The following ALPK1 variants were observed in gnomAD, a reference collection of about 807,000 sequenced individuals.
ALPK1 encodes alpha-protein kinase 1.
Under a neutral mutation model 120.6 loss-of-function variants are expected in ALPK1, and 110 were observed. That is an observed-to-expected ratio of 0.91 (90% CI 0.78 to 1.07). ALPK1 has a LOEUF of 1.07. Ranked by LOEUF, ALPK1 falls within the 50% of genes least tolerant of loss-of-function variation. ALPK1 has a pLI of 0.00. For missense variants in ALPK1, 1,498 were observed against 1,483.9 expected, an observed-to-expected ratio of 1.01 and a Z score of -0.16; for synonymous variants, 582 against 560.3, an observed-to-expected ratio of 1.04 and a Z score of -0.55.
At chr4:112,402,382 T>C (rs554948312) in intron 4 of ALPK1, among the ~76,000 whole-genome samples, 1 of 152,332 alleles carries the variant, frequency 6.6e-6, no homozygotes, top group African/African-American at 2.4e-5. Context: ...CTGGCGCTAA[T>C]GCAAGGAACC....
At chr4:112,324,976 G>C (rs1474808264) in intron 2 of ALPK1, among the ~76,000 whole-genome samples, 34 of 37,650 alleles carry the variant, frequency 9.0e-4, no homozygotes, top group African/African-American at 1.3e-3. Context: ...CAAAAAAAAG[G>C]GGGGGGGGGG....
chr4:112,307,669 A>G (rs1306615157), intron 1 of ALPK1, among the ~76,000 whole-genome samples: 3 of 152,076 alleles, frequency 2.0e-5, no homozygotes, highest in African/African-American at 7.3e-5. Context: ...TCTCCTGAAT[A>G]CAGCACACTG....
chr4:112,351,542 C>T (rs899813902), intron 2 of ALPK1, among the ~76,000 whole-genome samples: 50 of 151,732 alleles, frequency 3.3e-4, no homozygotes, highest in African/African-American at 1.2e-3. Flanking sequence ...GGCACGATCT[C>T]GGCTCACTGC....
intron 2 of ALPK1, among the ~76,000 whole-genome samples, chr4:112,342,361 G>A (rs906389348): frequency 3.3e-5 from 5 of 152,140 alleles, no homozygotes; most frequent in African/African-American, 4.8e-5. Flanking sequence ...TTCCACTCCT[G>A]CAATTAGGAA....
intron 5 of ALPK1, among the ~76,000 whole-genome samples, chr4:112,423,231 C>T (rs1362750928): frequency 6.6e-6 from 1 of 152,106 alleles, no homozygotes; most frequent in African/African-American, 2.4e-5. Flanking sequence ...GGGATGAAAG[C>T]GTTACACACT....
chr4:112,344,141 T>C (rs758754872), intron 2 of ALPK1, among the ~76,000 whole-genome samples: 3 of 152,056 alleles, frequency 2.0e-5, no homozygotes, highest in Non-Finnish European at 4.4e-5. Flanking sequence ...GGGGAAAAAA[T>C]CTAATCTTTA....
chr4:112,415,377 T>A (rs376018326), intron 5 of ALPK1, among the ~76,000 whole-genome samples: 3 of 152,260 alleles, frequency 2.0e-5, no homozygotes, highest in South Asian at 4.1e-4. Flanking sequence ...GGCTCACGCC[T>A]GTAAACCCAG....
At chr4:112,359,419 C>A (rs960925545) in intron 2 of ALPK1, 4 of 307,676 alleles carry the variant, frequency 1.3e-5, no homozygotes, top group African/African-American at 8.7e-5. Flanking sequence ...GAGAACATCC[C>A]CCTGCTGCAG....
chr4:112,306,094 GA>G (rs1728039430), intron 1 of ALPK1, among the ~76,000 whole-genome samples: 1 of 152,120 alleles, frequency 6.6e-6, no homozygotes, highest in African/African-American at 2.4e-5. Flanking sequence ...TCCCAGGGAT[GA>G]AGCCCACTTG....
At chr4:112,425,426 A>C in intron 6 of ALPK1, 1 of 303,422 alleles carries the variant, frequency 3.3e-6, no homozygotes. Context: ...CCCTATAACA[A>C]GGAGGCAAAA....
chr4:112,349,084 GA>G (rs1412142216), intron 2 of ALPK1, among the ~76,000 whole-genome samples: 2 of 151,940 alleles, frequency 1.3e-5, no homozygotes, highest in Non-Finnish European at 2.9e-5. Flanking sequence ...TTAAGCAAAT[GA>G]AATTCACATC....
At chr4:112,420,964 C>G (rs2148755714) in intron 5 of ALPK1, among the ~76,000 whole-genome samples, 1 of 152,254 alleles carries the variant, frequency 6.6e-6, no homozygotes, top group Admixed American at 6.5e-5. Flanking sequence ...TCCCGAGTAG[C>G]TGAGACTACA....
intron 5 of ALPK1, among the ~76,000 whole-genome samples, chr4:112,423,331 G>A (rs546564219): frequency 1.3e-5 from 2 of 152,262 alleles, no homozygotes; most frequent in Admixed American, 6.5e-5. Context: ...TGAAGTAGAG[G>A]GCCAAGAAGG....
At chr4:112,354,846 G>A (rs763730960) in intron 2 of ALPK1, among the ~76,000 whole-genome samples, 4 of 152,086 alleles carry the variant, frequency 2.6e-5, no homozygotes, top group Non-Finnish European at 5.9e-5. Flanking sequence ...TTGACATTTG[G>A]TATAACACTG....
At chr4:112,397,812 G>T (rs1340468731) in intron 4 of ALPK1, among the ~76,000 whole-genome samples, 2 of 146,848 alleles carry the variant, frequency 1.4e-5, no homozygotes, top group Non-Finnish European at 3.0e-5. Context: ...GGTGGGGTGG[G>T]GAGCAGCTTC....
At chr4:112,309,219 T>C (rs1728278596) in intron 1 of ALPK1, among the ~76,000 whole-genome samples, 1 of 152,146 alleles carries the variant, frequency 6.6e-6, no homozygotes, top group Non-Finnish European at 1.5e-5. Flanking sequence ...GGAGGCAGTC[T>C]GTCTGTTCTC....
chr4:112,319,772 C>T (rs12506704), intron 2 of ALPK1, among the ~76,000 whole-genome samples: 12,807 of 152,182 alleles, frequency 0.084, 840 homozygotes, highest in Admixed American at 0.21. Context: ...CTTGGTTAAG[C>T]ATATTCCTAA....
chr4:112,369,031 CTTT>C (rs1365783867), intron 2 of ALPK1, among the ~76,000 whole-genome samples: 1 of 127,372 alleles, frequency 7.9e-6, no homozygotes, highest in Admixed American at 8.0e-5. Context: ...GCCTTTACTT[CTTT>C]TTTTGTTTTC....
intron 2 of ALPK1, among the ~76,000 whole-genome samples, chr4:112,372,600 C>T (rs1341657730): frequency 6.6e-6 from 1 of 152,172 alleles, no homozygotes. Context: ...AACTAATTAA[C>T]ATTATCTCAC....
Sources: gnomAD v4.1 joint callset for allele counts (sites outside exome capture counted in the v4.1 genomes callset) on GRCh38, gnomAD v4.1.1 for gene constraint, MANE v1.5 for transcripts, NCBI Gene and HGNC (gene_info 2026-07-23, HGNC 2026-07-21) for gene names.